The following LRRIQ3 variants were observed in gnomAD, a reference collection of about 807,000 sequenced individuals.
LRRIQ3 encodes the protein leucine-rich repeat and IQ domain-containing protein 3.
LRRIQ3 carries 75 observed loss-of-function variants against 59.3 expected under a neutral mutation model. That is an observed-to-expected ratio of 1.26 (90% CI 1.05 to 1.53). LRRIQ3 has a LOEUF of 1.53. LRRIQ3 is among the 40% of genes most tolerant of loss of function. The pLI, the probability that LRRIQ3 is intolerant of heterozygous loss-of-function variation, is 0.00. For missense variants in LRRIQ3, 831 were observed against 710.0 expected, an observed-to-expected ratio of 1.17 and a Z score of -1.94; for synonymous variants, 250 against 231.3, an observed-to-expected ratio of 1.08 and a Z score of -0.73.
chr1:74,077,434 T>TC (rs1474064695), intron 5 of LRRIQ3, among the ~76,000 whole-genome samples: 1 of 151,562 alleles, frequency 6.6e-6, no homozygotes, highest in Non-Finnish European at 1.5e-5. Context: ...ACCTTTAGAT[T>TC]CCCCTGAAAA....
chr1:74,155,815 T>A lies in LRRIQ3; in HGVS notation c.625A>T (p.Ile209Phe), dbSNP rs200030856. The A allele has an allele frequency of 3.1e-4, 488 of 1,583,972 alleles. No homozygotes were observed. Among genetic ancestry groups the A allele is most frequent in the Non-Finnish European group, 3.9e-4 (460 of 1,166,664 alleles). ...GAATTATGAGCCAGAATTGCATTAATTTTTGAAGTAATATGTTTAATATTA... is the reference window on the plus strand; with the variant it reads ...GAATTATGAGCCAGAATTGCATTAAATTTTGAAGTAATATGTTTAATATTA... ...INNIKHITSK[I>F]NAILAHNSPV... The change falls in exon 4 of 8, where the codon ATT becomes TTT. Residue 209 changes from isoleucine (I) to phenylalanine (F), a missense_variant. Physicochemically the swap from Ile to Phe is conservative, Grantham distance 21. Transcript: ENST00000354431.
chr1:74,158,483 C>A (rs569790940), intron 3 of LRRIQ3, among the ~76,000 whole-genome samples: 13 of 152,210 alleles, frequency 8.5e-5, no homozygotes, highest in Admixed American at 2.6e-4. Flanking sequence ...TCTTGAACTG[C>A]CTTTTTCAAT....
intron 5 of LRRIQ3, among the ~76,000 whole-genome samples, chr1:74,087,666 A>G (rs899974332): frequency 2.6e-5 from 4 of 152,022 alleles, no homozygotes; most frequent in Non-Finnish European, 5.9e-5. Flanking sequence ...ATTGATACTT[A>G]TATCTATAAA....
At chr1:74,190,164 A>G (rs527575977) in intron 1 of LRRIQ3, among the ~76,000 whole-genome samples, 1 of 152,214 alleles carries the variant, frequency 6.6e-6, no homozygotes, top group East Asian at 1.9e-4. Flanking sequence ...CAGTACAGAA[A>G]CTCATCAGGA....
chr1:74,070,451 A>T (rs916302253), intron 6 of LRRIQ3, among the ~76,000 whole-genome samples: 1 of 152,028 alleles, frequency 6.6e-6, no homozygotes, highest in African/African-American at 2.4e-5. Flanking sequence ...CAAAGAAGGG[A>T]GCAACAGACA....
Position 74,078,028 on chromosome 1 carries a change from A to G in LRRIQ3, c.868-3238T>C, listed in dbSNP as rs555802395. ...AAGGATATTTGGTAGCACTTAGTAA[A>G]GGAATAATAATCAAGGAATAAGTTG... is the stretch of plus-strand genomic sequence containing the variant. On this transcript the variant is annotated intron_variant, in intron 5 of 7. Transcript: ENST00000354431. Among the ~76,000 whole-genome samples the G allele has an allele frequency of 5.6e-4, 85 of 152,070 alleles. 1 individual carries two copies. The highest frequency in any genetic ancestry group is 8.1e-4 in the Non-Finnish European group (55 of 67,830).
intron 4 of LRRIQ3, among the ~76,000 whole-genome samples, chr1:74,143,074 G>A (rs1647333926): frequency 6.6e-6 from 1 of 151,884 alleles, no homozygotes; most frequent in African/African-American, 2.4e-5. Context: ...TTTATTCTGA[G>A]TTTCAAATGA....
intron 3 of LRRIQ3, among the ~76,000 whole-genome samples, chr1:74,167,728 C>A (rs991485167): frequency 4.0e-5 from 6 of 151,460 alleles, no homozygotes; most frequent in Non-Finnish European, 7.4e-5. Context: ...ATTCATGTAA[C>A]CAAACAGCAC....
In LRRIQ3 at chr1:74,175,724, G is replaced by A. The variant is rs187467630; in HGVS notation, c.573+6814C>T. Among the ~76,000 whole-genome samples the A allele has an allele frequency of 5.7e-3, 873 of 152,174 alleles. 15 individuals carry two copies. The highest frequency in any genetic ancestry group is 4.6e-3 in the Non-Finnish European group (313 of 67,980). On this transcript the variant is annotated intron_variant, in intron 3 of 7. Coordinates refer to ENST00000354431, the MANE Select transcript of LRRIQ3 (RefSeq NM_001105659.2). Reference sequence around the variant, plus strand: ...GCTTCTGAGGGAGGGCTAGAACTGAGAATCTCCTATTCTTCCATCTTGCTG... The same window carrying A: ...GCTTCTGAGGGAGGGCTAGAACTGAAAATCTCCTATTCTTCCATCTTGCTG...
At chr1:74,032,196 G>T (rs988685108) in intron 7 of LRRIQ3, among the ~76,000 whole-genome samples, 1 of 151,678 alleles carries the variant, frequency 6.6e-6, no homozygotes, top group Non-Finnish European at 1.5e-5. Context: ...TAAATGTTTT[G>T]AATTTATTAA....
chr1:74,196,872 CA>C (rs1651191895), intron 1 of LRRIQ3, among the ~76,000 whole-genome samples: 1 of 152,178 alleles, frequency 6.6e-6, no homozygotes, highest in African/African-American at 2.4e-5. Flanking sequence ...CCTCATCCCC[CA>C]TTATAATCTA....
intron 5 of LRRIQ3, among the ~76,000 whole-genome samples, chr1:74,101,893 A>G (rs1349024869): frequency 2.0e-5 from 3 of 152,008 alleles, no homozygotes; most frequent in African/African-American, 7.3e-5. Context: ...GGAACATCAC[A>G]CACTGGGGCC....
At chr1:74,138,104 G>A (rs568965001) in intron 4 of LRRIQ3, among the ~76,000 whole-genome samples, 4 of 150,720 alleles carry the variant, frequency 2.7e-5, no homozygotes, top group Admixed American at 2.0e-4. Context: ...TAAAAAAAAA[G>A]GAAGAAGAAA....
intron 3 of LRRIQ3, among the ~76,000 whole-genome samples, chr1:74,167,392 G>C (rs1459226261): frequency 6.6e-6 from 1 of 151,722 alleles, no homozygotes; most frequent in African/African-American, 2.4e-5. Context: ...ACTCACAGTG[G>C]GAGCTAAGCT....
chr1:74,186,787 A>C (rs1650410151), intron 1 of LRRIQ3, among the ~76,000 whole-genome samples: 1 of 152,134 alleles, frequency 6.6e-6, no homozygotes, highest in Admixed American at 6.5e-5. Context: ...TCAATCAAAA[A>C]GATGTCTATT....
chr1:74,104,478 A>G (rs917972644), intron 5 of LRRIQ3, among the ~76,000 whole-genome samples: 29 of 152,048 alleles, frequency 1.9e-4, no homozygotes, highest in African/African-American at 7.0e-4. Context: ...ATACAATGGA[A>G]TATTATTCAG....
chr1:74,094,002 G>A (rs532931369), intron 5 of LRRIQ3, among the ~76,000 whole-genome samples: 1 of 152,076 alleles, frequency 6.6e-6, no homozygotes, highest in Admixed American at 6.6e-5. Context: ...AAAGTTGGAA[G>A]TCCAAGGTAA....
At chr1:74,125,078 GGTTAA>G (rs1187047509) in intron 4 of LRRIQ3, among the ~76,000 whole-genome samples, 1 of 151,520 alleles carries the variant, frequency 6.6e-6, no homozygotes, top group African/African-American at 2.4e-5. Context: ...TCACTTCTTT[GGTTAA>G]GTTAATTCCT....
chr1:74,060,171 ATCTTCTTCTTCTTCTTTT>A (rs1351571967), intron 6 of LRRIQ3, among the ~76,000 whole-genome samples: 2 of 147,206 alleles, frequency 1.4e-5, no homozygotes, highest in East Asian at 4.0e-4. Flanking sequence ...CTTCGTCGTC[ATCTTCTTCTTCTTCTTTT>A]TCTTCTTCTT....
Sources: allele counts gnomAD v4.1 joint callset (sites outside exome capture counted in the v4.1 genomes callset), GRCh38; gene constraint gnomAD v4.1.1; transcripts MANE v1.5; gene names NCBI Gene and HGNC (gene_info 2026-07-23, HGNC 2026-07-21).